The following TRPC6 variants were observed in gnomAD, a reference collection of about 807,000 sequenced individuals.
The protein encoded by TRPC6 is short transient receptor potential channel 6.
A neutral mutation model predicts 90.7 loss-of-function variants in TRPC6; 55 were observed. The ratio of observed to expected loss-of-function variants is 0.61; its 90% CI spans 0.49 to 0.76. The LOEUF is 0.76. Ranked by LOEUF, TRPC6 falls within the 30% of genes least tolerant of loss-of-function variation. The probability of loss-of-function intolerance (pLI) is 0.00; values close to 1 mark genes in which losing one functional copy is unlikely to be tolerated. For missense variants in TRPC6, 989 were observed against 1,122.7 expected, an observed-to-expected ratio of 0.88 and a Z score of 1.70; for synonymous variants, 393 against 393.0, an observed-to-expected ratio of 1.00 and a Z score of 0.00.
At position 101,472,152 on chromosome 11, in the gene TRPC6, T is replaced by C. The variant is rs200080118; in HGVS notation, c.2190A>G (p.Ser730=). 6.8e-6 allele frequency: 11 copies of C among 1,611,432 alleles called. No homozygotes were observed. The highest frequency in any genetic ancestry group is 8.5e-6 in the Non-Finnish European group (10 of 1,179,288). ...LNMLIAMINS[S]FQEIEDDADV... is the part of the protein sequence containing the mutation. ...GAGATTATACCTCAATTTCCTGGAA[T>C]GAACTGTTGATCATGGCAATTAACA... is the stretch of plus-strand genomic sequence containing the variant. The change falls in exon 8 of 13, where the codon TCA becomes TCG. Residue 730 remains serine (S), a synonymous_variant. Coordinates refer to ENST00000344327, the MANE Select transcript of TRPC6 (RefSeq NM_004621.6).
At chr11:101,470,615 T>TCTAAGCA (rs1859265505) in intron 9 of TRPC6, among the ~76,000 whole-genome samples, 1 of 152,190 alleles carries the variant, frequency 6.6e-6, no homozygotes, top group Non-Finnish European at 1.5e-5. Context: ...TACTGCCTCA[T>TCTAAGCA]CTAAGCACTA....
chr11:101,560,519 G>C (rs1359189190), intron 1 of TRPC6, among the ~76,000 whole-genome samples: 2 of 152,038 alleles, frequency 1.3e-5, no homozygotes, highest in African/African-American at 2.4e-5. Flanking sequence ...TCCATGCATT[G>C]AACATTTTTA....
chr11:101,558,816 C>T (rs561714109), intron 1 of TRPC6, among the ~76,000 whole-genome samples: 5 of 152,104 alleles, frequency 3.3e-5, no homozygotes, highest in African/African-American at 7.2e-5. Flanking sequence ...TGGCTATCCA[C>T]GTGCAGAAGA....
At chr11:101,474,538 A>G (rs1166194773) in intron 6 of TRPC6, among the ~76,000 whole-genome samples, 1 of 152,210 alleles carries the variant, frequency 6.6e-6, no homozygotes, top group Non-Finnish European at 1.5e-5. Context: ...CAAGAAACTA[A>G]TAAAAGCAGT....
At chr11:101,567,293 C>A (rs1480448119) in intron 1 of TRPC6, among the ~76,000 whole-genome samples, 1 of 152,060 alleles carries the variant, frequency 6.6e-6, no homozygotes, top group Non-Finnish European at 1.5e-5. Flanking sequence ...TCAGCAAAGC[C>A]CCTCAGGCCA....
intron 1 of TRPC6, among the ~76,000 whole-genome samples, chr11:101,538,055 C>T (rs1861092347): frequency 6.6e-6 from 1 of 151,870 alleles, no homozygotes; most frequent in Non-Finnish European, 1.5e-5. Flanking sequence ...TATGTTGATT[C>T]TTCTTTGCCT....
intron 1 of TRPC6, among the ~76,000 whole-genome samples, chr11:101,561,215 T>TA (rs1257425465): frequency 6.6e-6 from 1 of 152,152 alleles, no homozygotes; most frequent in East Asian, 1.9e-4. Context: ...CCTCCTACAC[T>TA]AATAATATTC....
intron 5 of TRPC6, among the ~76,000 whole-genome samples, chr11:101,478,899 C>T (rs1279276992): frequency 6.6e-6 from 1 of 152,120 alleles, no homozygotes; most frequent in Non-Finnish European, 1.5e-5. Flanking sequence ...AAAAAACCCA[C>T]CTGCGTGCTC....
chr11:101,567,033 C>A (rs1216853389), intron 1 of TRPC6, among the ~76,000 whole-genome samples: 1 of 151,856 alleles, frequency 6.6e-6, no homozygotes, highest in Non-Finnish European at 1.5e-5. Flanking sequence ...ACCATTCACT[C>A]CCCTGGAAAG....
rs10635008 is a variant in TRPC6 at position 101,516,108 on chromosome 11, G to GAAAAAAAAAA, written c.171-11320_171-11311dup. Among the ~76,000 whole-genome samples the GAAAAAAAAAA allele has an allele frequency of 1.8e-4, 24 of 133,298 alleles. 1 individual carries two copies. Among genetic ancestry groups the GAAAAAAAAAA allele is most frequent in the African/African-American group, 5.1e-4 (18 of 35,216 alleles). 87.4% of individuals were successfully genotyped at this position (133,298 alleles called of 152,430 possible). On this transcript the variant is annotated intron_variant, in intron 1 of 12. Coordinates refer to ENST00000344327, the MANE Select transcript of TRPC6 (RefSeq NM_004621.6). Reference sequence around the variant, plus strand: ...TGAATTTCTTTTAAAATGCAGCTGGGAAAAAAAAAAAAAAGCAGAGTTTCA... The same window carrying GAAAAAAAAAA: ...TGAATTTCTTTTAAAATGCAGCTGGGAAAAAAAAAAAAAAAAAAAAAAAAGCAGAGTTTCA...
At chr11:101,503,695 T>C (rs4533005) in intron 2 of TRPC6, among the ~76,000 whole-genome samples, 69,682 of 151,906 alleles carry the variant, frequency 0.46, 16,359 homozygotes, top group African/African-American at 0.55. Context: ...CCAGCTGTGT[T>C]ATTTCCCATT....
chr11:101,499,586 G>GTGA lies in TRPC6; in HGVS notation c.945+4437_945+4438insTCA, dbSNP rs146159741. On this transcript the variant is annotated intron_variant, in intron 2 of 12. Coordinates refer to ENST00000344327, the MANE Select transcript of TRPC6 (RefSeq NM_004621.6). ...ATATACATAAATGGTGTATATATACGTATATATATACGTATATATGGTATA... is the reference window on the plus strand; with the variant it reads ...ATATACATAAATGGTGTATATATACGTGATATATATATACGTATATATGGTATA... 2.7e-3 allele frequency among the ~76,000 whole-genome samples: 121 copies of GTGA among 45,430 alleles called. 2 individuals are homozygous for GTGA. The highest frequency in any genetic ancestry group is 5.8e-3 in the African/African-American group (46 of 7,982). 29.8% of individuals were successfully genotyped at this position (45,430 alleles called of 152,430 possible).
intron 10 of TRPC6, among the ~76,000 whole-genome samples, chr11:101,461,268 T>C (rs568230103): frequency 6.6e-6 from 1 of 152,068 alleles, no homozygotes; most frequent in African/African-American, 2.4e-5. Flanking sequence ...TCCTAGCAAA[T>C]TATAAAATTG....
At chr11:101,569,581 C>T (rs1861911936) in intron 1 of TRPC6, among the ~76,000 whole-genome samples, 1 of 152,196 alleles carries the variant, frequency 6.6e-6, no homozygotes, top group Non-Finnish European at 1.5e-5. Context: ...CTCAGCACCA[C>T]ATCAAACTTA....
intron 5 of TRPC6, among the ~76,000 whole-genome samples, chr11:101,480,885 ATTTC>A (rs1859536187): frequency 6.6e-6 from 1 of 152,172 alleles, no homozygotes; most frequent in African/African-American, 2.4e-5. Context: ...GTGAAATATA[ATTTC>A]TTTTTCTAGT....
At chr11:101,546,761 T>A (rs1283889259) in intron 1 of TRPC6, among the ~76,000 whole-genome samples, 1 of 152,198 alleles carries the variant, frequency 6.6e-6, no homozygotes, top group Non-Finnish European at 1.5e-5. Context: ...TATTCATGAT[T>A]TTTTTAAAAA....
intron 1 of TRPC6, among the ~76,000 whole-genome samples, chr11:101,530,038 C>T (rs1016501789): frequency 1.3e-5 from 2 of 152,148 alleles, no homozygotes; most frequent in South Asian, 2.1e-4. Context: ...GACAGGTCCA[C>T]CACCCACAGG....
chr11:101,485,126 TACACACACACACACAC>T (rs10639907), intron 4 of TRPC6, among the ~76,000 whole-genome samples: 2 of 143,856 alleles, frequency 1.4e-5, no homozygotes, highest in Admixed American at 7.0e-5. Context: ...GGCCAAAGAA[TACACACACACACACAC>T]ACACACACAC....
intron 10 of TRPC6, among the ~76,000 whole-genome samples, chr11:101,463,834 T>C (rs1222265870): frequency 6.6e-6 from 1 of 152,220 alleles, no homozygotes; most frequent in Non-Finnish European, 1.5e-5. Flanking sequence ...TAGTTATTTC[T>C]TGTATTCTAC....
Sources: allele counts gnomAD v4.1 joint callset (sites outside exome capture counted in the v4.1 genomes callset), GRCh38; gene constraint gnomAD v4.1.1; transcripts MANE v1.5; gene names NCBI Gene and HGNC (gene_info 2026-07-23, HGNC 2026-07-21).